KIAA1671: variants seen among roughly 807,000 people sequenced by gnomAD.
KIAA1671 encodes the protein uncharacterized protein KIAA1671.
KIAA1671 carries 52 observed loss-of-function variants against 131.2 expected under a neutral mutation model. The observed-to-expected ratio is 0.40, with a 90% CI of 0.32 to 0.50. The LOEUF (loss-of-function observed/expected upper bound fraction) is 0.50, where lower values mean the gene tolerates loss of function less well. Ranked by LOEUF, KIAA1671 falls within the 20% of genes least tolerant of loss-of-function variation. The probability of loss-of-function intolerance (pLI) is 0.73; values close to 1 mark genes in which losing one functional copy is unlikely to be tolerated. For synonymous variants in KIAA1671, 1,003 were observed against 961.6 expected, an observed-to-expected ratio of 1.04 and a Z score of -0.80; for missense variants, 2,360 against 2,364.2, an observed-to-expected ratio of 1.00 and a Z score of 0.04.
chr22:25,103,983 GTTTGT>G (rs1221725341), intron 6 of KIAA1671, among the ~76,000 whole-genome samples: 3 of 151,858 alleles, frequency 2.0e-5, no homozygotes, highest in Non-Finnish European at 1.5e-5. Context: ...TTTTTTGTTT[GTTTGT>G]TTTGTTTTGA....
intron 1 of KIAA1671, among the ~76,000 whole-genome samples, chr22:24,974,132 C>T (rs1188555044): frequency 2.0e-5 from 3 of 152,170 alleles, no homozygotes; most frequent in Admixed American, 6.5e-5. Context: ...ATTTATCAGC[C>T]GGACTTGGGT....
chr22:25,163,331 ATTTTTTTTT>A (rs132895), intron 6 of KIAA1671, among the ~76,000 whole-genome samples: 61 of 55,560 alleles, frequency 1.1e-3, no homozygotes, highest in African/African-American at 4.1e-3. Flanking sequence ...ATTGCCTCAA[ATTTTTTTTT>A]TTTTTTTTTT....
rs61558408 is a variant in KIAA1671, at chr22:25,088,894, G to A, written c.4530+39530G>A. On this transcript the variant is annotated intron_variant, in intron 6 of 12. Transcript: ENST00000358431. ...TACATATGTACACACACACACACACGTGCACGCACACATGCACAATTTGCC... is the reference window on the plus strand; with the variant it reads ...TACATATGTACACACACACACACACATGCACGCACACATGCACAATTTGCC... 1.9e-3 allele frequency among the ~76,000 whole-genome samples: 282 copies of A among 148,278 alleles called. 1 individual carries two copies. Among genetic ancestry groups the A allele is most frequent in the African/African-American group, 6.8e-3 (275 of 40,446 alleles).
chr22:24,989,660 A>G (rs1209102665), intron 1 of KIAA1671, among the ~76,000 whole-genome samples: 1 of 152,132 alleles, frequency 6.6e-6, no homozygotes, highest in Admixed American at 6.5e-5. Context: ...GAGCCACAGG[A>G]AAGGGAGAGT....
At chr22:25,007,655 G>T (rs778929762) in intron 1 of KIAA1671, among the ~76,000 whole-genome samples, 4 of 152,070 alleles carry the variant, frequency 2.6e-5, no homozygotes, top group Admixed American at 6.5e-5. Flanking sequence ...TCAGTTTATC[G>T]TTGCCATGGC....
intron 6 of KIAA1671, among the ~76,000 whole-genome samples, chr22:25,115,281 A>C (rs1033238435): frequency 1.4e-4 from 22 of 152,208 alleles, no homozygotes; most frequent in Admixed American, 4.6e-4. Flanking sequence ...GAACAATGGC[A>C]GTGGCACAGG....
chr22:25,159,527 T>C (rs776185945), intron 6 of KIAA1671, among the ~76,000 whole-genome samples: 1 of 152,182 alleles, frequency 6.6e-6, no homozygotes, highest in Non-Finnish European at 1.5e-5. Context: ...CTTGTCATGA[T>C]GTTTGTTAAA....
Position 25,169,591 on chromosome 22 carries a change from G to A in KIAA1671, c.4531-1229G>A, listed in dbSNP as rs58604451. 4.6e-3 allele frequency among the ~76,000 whole-genome samples: 694 copies of A among 152,306 alleles called. 5 individuals carry two copies. The highest frequency in any genetic ancestry group is 0.016 in the African/African-American group (658 of 41,550). ...CACTCAACAAAGCACAAGCCTAAGT[G>A]GCAGCCACTTCAGTGGCCACATCAC... On this transcript the variant is annotated intron_variant, in intron 6 of 12. Transcript: ENST00000358431.
At chr22:25,123,910 G>T (rs1167117284) in intron 6 of KIAA1671, among the ~76,000 whole-genome samples, 1 of 152,226 alleles carries the variant, frequency 6.6e-6, no homozygotes, top group Non-Finnish European at 1.5e-5. Context: ...ACTTACGCTT[G>T]TGGAAATAGT....
chr22:25,164,698 C>T (rs190141700), intron 6 of KIAA1671, among the ~76,000 whole-genome samples: 402 of 152,174 alleles, frequency 2.6e-3, no homozygotes, highest in Non-Finnish European at 5.1e-3. Context: ...GCCTGTAATC[C>T]CAGCACTTTG....
chr22:25,128,517 C>T (rs1203761177), intron 6 of KIAA1671, among the ~76,000 whole-genome samples: 1 of 152,172 alleles, frequency 6.6e-6, no homozygotes. Context: ...GAGGGCAAGT[C>T]TCCCTTCTCT....
intron 6 of KIAA1671, chr22:25,070,126 C>T (rs552851969): frequency 8.1e-6 from 3 of 369,524 alleles, no homozygotes; most frequent in African/African-American, 4.2e-5. Flanking sequence ...CCCCACTGGA[C>T]GAGAAGCCAG....
chr22:24,989,014 C>T (rs1395250560), intron 1 of KIAA1671, among the ~76,000 whole-genome samples: 1 of 152,092 alleles, frequency 6.6e-6, no homozygotes, highest in African/African-American at 2.4e-5. Context: ...GTACTTTGTG[C>T]TGGTGTTGAA....
chr22:25,177,602 C>T, intron 9 of KIAA1671, 80 bp downstream of exon 9: 2 of 1,310,244 alleles, frequency 1.5e-6, no homozygotes, highest in Non-Finnish European at 2.1e-6. Flanking sequence ...GAAAAAATTC[C>T]TGACTTGGAA....
At chr22:24,970,104 T>G (rs1367837689) in intron 1 of KIAA1671, among the ~76,000 whole-genome samples, 1 of 152,198 alleles carries the variant, frequency 6.6e-6, no homozygotes. Context: ...TGCTGAGGCC[T>G]GGGCATTGTC....
At chr22:25,192,246 C>G (rs1022083154) in intron 12 of KIAA1671, among the ~76,000 whole-genome samples, 160 bp from the exon 13 acceptor site, 3 of 152,066 alleles carry the variant, frequency 2.0e-5, no homozygotes, top group Non-Finnish European at 4.4e-5. Flanking sequence ...CCCTCCTCAC[C>G]TCCCCTTTCC....
chr22:25,068,531 G>C (rs1297661971), intron 6 of KIAA1671, among the ~76,000 whole-genome samples: 2 of 152,140 alleles, frequency 1.3e-5, no homozygotes, highest in Non-Finnish European at 2.9e-5. Context: ...CCGCCTACCG[G>C]GTTCACGCCA....
At chr22:25,115,303 G>T (rs1931595825) in intron 6 of KIAA1671, among the ~76,000 whole-genome samples, 1 of 152,194 alleles carries the variant, frequency 6.6e-6, no homozygotes, top group Admixed American at 6.5e-5. Context: ...GCCAAGACTG[G>T]AATAAAAGCG....
At chr22:25,050,884 T>G (rs2145821630) in intron 6 of KIAA1671, 1 of 152,386 alleles carries the variant, frequency 6.6e-6, no homozygotes, top group East Asian at 1.9e-4. Context: ...CTGACTTAGC[T>G]TATCTGATTG....
Sources: allele counts gnomAD v4.1 joint callset (sites outside exome capture counted in the v4.1 genomes callset), GRCh38; gene constraint gnomAD v4.1.1; transcripts MANE v1.5; gene names NCBI Gene and HGNC (gene_info 2026-07-23, HGNC 2026-07-21).